Variants in LEO1 observed in about 807,000 individuals in gnomAD.
The protein encoded by LEO1 is LEO1 component of Paf1/RNA polymerase II complex.
In LEO1, 34 loss-of-function variants were observed where a neutral mutation model predicts 80.4. That is an observed-to-expected ratio of 0.42 (90% CI 0.32 to 0.56). The LOEUF (loss-of-function observed/expected upper bound fraction) is 0.56. Ranked by LOEUF, LEO1 falls within the 20% of genes least tolerant of loss-of-function variation. The pLI is 0.10. For synonymous variants in LEO1, 262 were observed against 274.9 expected, an observed-to-expected ratio of 0.95 and a Z score of 0.46; for missense variants, 631 against 814.2, an observed-to-expected ratio of 0.77 and a Z score of 2.74.
intron 2 of LEO1, 143 bp downstream of exon 2, chr15:51,965,606 G>A (rs1371585132): frequency 2.6e-5 from 29 of 1,103,536 alleles, no homozygotes; most frequent in Non-Finnish European, 3.4e-5. Context: ...GAAGCAAAAT[G>A]TATTCTAGAG....
chr15:51,954,886 G>A, intron 6 of LEO1: 1 of 201,598 alleles, frequency 5.0e-6, no homozygotes, highest in Non-Finnish European at 9.9e-6. Context: ...AAGACAGTAA[G>A]AATTACAAGG....
intron 3 of LEO1, among the ~76,000 whole-genome samples, chr15:51,961,978 A>G (rs2057034543): frequency 6.6e-6 from 1 of 151,930 alleles, no homozygotes; most frequent in Non-Finnish European, 1.5e-5. Flanking sequence ...CCTGGCCAAC[A>G]TAGTGAAACC....
chr15:51,939,974 G>A (rs1380875134), intron 11 of LEO1, among the ~76,000 whole-genome samples: 9 of 152,222 alleles, frequency 5.9e-5, no homozygotes, highest in Non-Finnish European at 1.2e-4. Context: ...GCCAAGGACC[G>A]GCCGGGCGCG....
At chr15:51,943,106 G>A (rs975230552) in intron 11 of LEO1, among the ~76,000 whole-genome samples, 3 of 151,910 alleles carry the variant, frequency 2.0e-5, no homozygotes, top group East Asian at 3.9e-4. Context: ...TAGACTGGGC[G>A]TGGTGGTTCA....
intron 3 of LEO1, among the ~76,000 whole-genome samples, chr15:51,961,516 C>G (rs2141771881): frequency 6.6e-6 from 1 of 151,986 alleles, no homozygotes; most frequent in East Asian, 2.0e-4. Flanking sequence ...CCTCAGCCTC[C>G]CAAGTAGCTG....
intron 9 of LEO1, among the ~76,000 whole-genome samples, chr15:51,950,495 C>T (rs531831042): frequency 6.6e-6 from 1 of 152,310 alleles, no homozygotes; most frequent in South Asian, 2.1e-4. Context: ...CTCCTGATGA[C>T]AGGTTGGGGA....
rs779092777 is a variant in LEO1, at chr15:51,947,287, C to T, written c.1896+5G>A. 1.2e-6 allele frequency: 2 copies of T among 1,600,226 alleles called. No individual in the cohort carries two copies. The highest frequency in any genetic ancestry group is 2.2e-5 in the South Asian group (2 of 90,782). ...ACCCCTAGAATTGAATAAATTTGGT[C>T]TTACCTCATCACTGGTAAGTTTCTT... is the stretch of plus-strand genomic sequence containing the variant. On this transcript the variant is annotated splice_donor_5th_base_variant and intron_variant, in intron 11 of 11. Coordinates refer to ENST00000299601, the MANE Select transcript of LEO1 (RefSeq NM_138792.4).
At chr15:51,950,785 A>T (rs2056943025) in intron 9 of LEO1, among the ~76,000 whole-genome samples, 1 of 152,182 alleles carries the variant, frequency 6.6e-6, no homozygotes, top group African/African-American at 2.4e-5. Flanking sequence ...ACTAAGAACA[A>T]ACCAGCTGAC....
At position 51,966,303 on chromosome 15, in the gene LEO1, C is replaced by A. The variant is rs759633387; in HGVS notation, c.260G>T (p.Arg87Ile). The change falls in exon 2 of 12, where the codon AGA (arginine) becomes ATA (isoleucine). Residue 87 changes from arginine to isoleucine, a missense_variant. Arg to Ile is a moderately conservative substitution (Grantham distance 97, BLOSUM62 -3). Transcript: ENST00000299601. ...SDNHSERSDNRSEASERSDHE... is the reference protein window; with the variant it reads ...SDNHSERSDNISEASERSDHE... ...GTCAGAACGCTCAGAAGCTTCTGAT[C>A]TATTGTCTGATCTTTCAGAGTGATT... 5.6e-6 allele frequency: 9 copies of A among 1,614,164 alleles called. No homozygotes were observed. In the East Asian group the frequency reaches 1.6e-4, roughly 28 times the overall value.
At position 51,954,933 on chromosome 15, in the gene LEO1, ATTTTTTT is replaced by A. The variant is rs34049838; in HGVS notation, c.1246-365_1246-359del. On this transcript the variant is annotated intron_variant, in intron 6 of 11. Transcript: ENST00000299601. ...AAACTTGAGTCCATGTGAGGCAGAA[ATTTTTTT>A]TTTTTTTTTTTTTTGAGACGGAGTC... is the stretch of plus-strand genomic sequence containing the variant. 3 of 140,570 alleles carry A rather than the reference ATTTTTTT, an allele frequency of 2.1e-5. No homozygotes were observed. In the South Asian group the frequency reaches 6.2e-4, roughly 29 times the overall value. The allele number at this position is 140,570 out of a possible 1,614,324, so 8.7% of individuals were successfully genotyped here.
intron 1 of LEO1, among the ~76,000 whole-genome samples, chr15:51,966,807 A>C (rs1335628188): frequency 6.6e-6 from 1 of 152,106 alleles, no homozygotes; most frequent in Non-Finnish European, 1.5e-5. Context: ...GCTACTCAGG[A>C]GGCTGAGACA....
intron 3 of LEO1, among the ~76,000 whole-genome samples, chr15:51,960,952 C>T (rs1049306552): frequency 4.6e-5 from 7 of 152,170 alleles, no homozygotes; most frequent in Non-Finnish European, 8.8e-5. Flanking sequence ...GCACTTATTT[C>T]TCCTTTCATT....
At chr15:51,961,520 G>A (rs2141771890) in intron 3 of LEO1, among the ~76,000 whole-genome samples, 1 of 152,054 alleles carries the variant, frequency 6.6e-6, no homozygotes, top group South Asian at 2.1e-4. Context: ...AGCCTCCCAA[G>A]TAGCTGGGAC....
At chr15:51,946,211 T>C (rs1373632831) in intron 11 of LEO1, among the ~76,000 whole-genome samples, 1 of 152,196 alleles carries the variant, frequency 6.6e-6, no homozygotes, top group Non-Finnish European at 1.5e-5. Context: ...CTTTTTGAGA[T>C]GGAGTTTTAC....
At chr15:51,960,821 T>A in intron 3 of LEO1, 88 bp from the exon 4 acceptor site, 1 of 770,310 alleles carries the variant, frequency 1.3e-6, no homozygotes, top group Middle Eastern at 2.4e-4. Flanking sequence ...TCCCAAGGTT[T>A]CTGGACCAGC....
intron 2 of LEO1, among the ~76,000 whole-genome samples, chr15:51,965,015 TAC>T (rs1405235913): frequency 6.6e-6 from 1 of 152,138 alleles, no homozygotes; most frequent in East Asian, 1.9e-4. Context: ...AGGGTGAGGA[TAC>T]ACCCATCAAT....
chr15:51,967,161 A>C (rs908077676), intron 1 of LEO1, among the ~76,000 whole-genome samples: 1 of 152,120 alleles, frequency 6.6e-6, no homozygotes, highest in African/African-American at 2.4e-5. Flanking sequence ...AAGAGAAATG[A>C]GCAGAAAAAG....
chr15:51,968,210 CTAAGT>C lies in LEO1; in HGVS notation c.59-1711_59-1707del, dbSNP rs376782077. ...ATAAATAAATAAATACATAATATTG[CTAAGT>C]TAAGTTCAAAACTGGTTAATGTCTT... On this transcript the variant is annotated intron_variant, in intron 1 of 11. Coordinates refer to ENST00000299601, the MANE Select transcript of LEO1 (RefSeq NM_138792.4). 2.0e-3 allele frequency among the ~76,000 whole-genome samples: 298 copies of C among 151,840 alleles called. 2 individuals are homozygous for C. The highest frequency in any genetic ancestry group is 6.6e-3 in the African/African-American group (275 of 41,430).
intron 5 of LEO1, 148 bp downstream of exon 5, chr15:51,959,751 A>T: frequency 1.6e-6 from 1 of 631,114 alleles, no homozygotes; most frequent in Non-Finnish European, 2.6e-6. Context: ...TATTTTTTCT[A>T]TCTCAGGATG....
Sources: gnomAD v4.1 joint callset for allele counts (sites outside exome capture counted in the v4.1 genomes callset) on GRCh38, gnomAD v4.1.1 for gene constraint, MANE v1.5 for transcripts, NCBI Gene and HGNC (gene_info 2026-07-23, HGNC 2026-07-21) for gene names.